PTPRD: variants seen among roughly 807,000 people sequenced by gnomAD.
PTPRD encodes protein tyrosine phosphatase receptor type D, also known as receptor-type tyrosine-protein phosphatase delta.
Under a neutral mutation model 214.5 loss-of-function variants are expected in PTPRD, and 34 were observed. That is an observed-to-expected ratio of 0.16 (90% CI 0.12 to 0.21). The LOEUF is 0.21. Among genes scored for constraint, PTPRD ranks in the 10% least tolerant of loss-of-function variants. PTPRD has a pLI of 1.00. For synonymous variants in PTPRD, 1,128 were observed against 845.7 expected (o/e 1.33, Z -5.79); for missense variants, 2,545 against 2,398.7 (o/e 1.06, Z -1.27).
chr9:8,983,240 A>G (rs1264835668), intron 11 of PTPRD, among the ~76,000 whole-genome samples: 1 of 152,066 alleles, frequency 6.6e-6, no homozygotes, highest in East Asian at 1.9e-4. Context: ...TATATCATGA[A>G]AATTTCATTG....
chr9:10,189,726 C>T (rs2099354137), intron 3 of PTPRD, among the ~76,000 whole-genome samples: 2 of 151,980 alleles, frequency 1.3e-5, no homozygotes. Context: ...AATTACAAGG[C>T]ACTATAAGAA....
intron 11 of PTPRD, among the ~76,000 whole-genome samples, chr9:8,946,058 T>C (rs901144274): frequency 3.3e-5 from 5 of 152,182 alleles, no homozygotes; most frequent in African/African-American, 1.2e-4. Flanking sequence ...AATTCACTCA[T>C]ACAAAACTAG....
intron 5 of PTPRD, among the ~76,000 whole-genome samples, chr9:9,923,675 T>C (rs2083309200): frequency 6.6e-6 from 1 of 151,968 alleles, no homozygotes; most frequent in Admixed American, 6.6e-5. Flanking sequence ...TGAGCAAGAA[T>C]AATCTTCAAC....
chr9:8,430,984 T>C (rs1470795680), intron 35 of PTPRD, among the ~76,000 whole-genome samples: 1 of 152,208 alleles, frequency 6.6e-6, no homozygotes, highest in African/African-American at 2.4e-5. Context: ...AACTTCTATA[T>C]TTTCTCAGCA....
chr9:9,477,798 T>C (rs537216608), intron 8 of PTPRD, among the ~76,000 whole-genome samples: 24 of 152,288 alleles, frequency 1.6e-4, no homozygotes, highest in African/African-American at 5.5e-4. Flanking sequence ...GAACTGTACA[T>C]TTTCTTGACA....
chr9:9,563,038 C>A (rs2083381343), intron 8 of PTPRD, among the ~76,000 whole-genome samples: 2 of 152,098 alleles, frequency 1.3e-5, no homozygotes, highest in Admixed American at 1.3e-4. Flanking sequence ...TAATAAATCA[C>A]CTTTTTCAAC....
At chr9:9,295,671 A>C (rs1952753146) in intron 9 of PTPRD, among the ~76,000 whole-genome samples, 1 of 151,850 alleles carries the variant, frequency 6.6e-6, no homozygotes, top group African/African-American at 2.4e-5. Flanking sequence ...TTGTATAACC[A>C]GATGGTAGTA....
chr9:8,780,114 A>G (rs1410181015), intron 11 of PTPRD, among the ~76,000 whole-genome samples: 1 of 152,146 alleles, frequency 6.6e-6, no homozygotes, highest in Non-Finnish European at 1.5e-5. Flanking sequence ...AAAAACTAAG[A>G]ATAGCATTTT....
intron 4 of PTPRD, among the ~76,000 whole-genome samples, chr9:9,991,790 C>A (rs909139132): frequency 4.6e-5 from 7 of 151,416 alleles, no homozygotes; most frequent in Admixed American, 4.6e-4. Context: ...TGTCAAAAAC[C>A]AGACAATTCC....
At chr9:9,355,171 T>C (rs762056397) in intron 9 of PTPRD, among the ~76,000 whole-genome samples, 20 of 151,768 alleles carry the variant, frequency 1.3e-4, no homozygotes, top group African/African-American at 2.2e-4. Flanking sequence ...AAGTTATCTA[T>C]CATCTTCAAA....
intron 5 of PTPRD, among the ~76,000 whole-genome samples, chr9:9,835,155 G>C (rs2056372010): frequency 1.3e-5 from 2 of 152,152 alleles, no homozygotes; most frequent in Admixed American, 6.6e-5. Flanking sequence ...TTAATACATA[G>C]TGTTAGTACA....
intron 5 of PTPRD, among the ~76,000 whole-genome samples, chr9:9,876,047 G>A (rs2066761020): frequency 6.6e-6 from 1 of 151,994 alleles, no homozygotes; most frequent in African/African-American, 2.4e-5. Context: ...AAGCAAAGAA[G>A]GAAGGAATAA....
rs549560803 is a variant in PTPRD at position 10,347,025 on chromosome 9, T to C, written c.-599-6008A>G. 2.0e-4 allele frequency among the ~76,000 whole-genome samples: 31 copies of C among 152,178 alleles called. No individual in the cohort carries two copies. The South Asian group carries it at 6.4e-3, about 32-fold the overall frequency. On this transcript the variant is annotated intron_variant, in intron 2 of 45. Coordinates refer to ENST00000381196, the MANE Select transcript of PTPRD (RefSeq NM_002839.4). ...TTTCAGGTGGCCACATGCTAGACCA[T>C]GGGAAAAAAAATAAAAATTATCTTT...
At chr9:10,206,621 C>T (rs2099482582) in intron 3 of PTPRD, among the ~76,000 whole-genome samples, 1 of 152,140 alleles carries the variant, frequency 6.6e-6, no homozygotes, top group Non-Finnish European at 1.5e-5. Flanking sequence ...AGAATTATAT[C>T]TCAACTAAGG....
chr9:8,720,181 GGCTTGGCTCTTATATCTA>G (rs1350057270), intron 12 of PTPRD, among the ~76,000 whole-genome samples: 1 of 152,178 alleles, frequency 6.6e-6, no homozygotes, highest in African/African-American at 2.4e-5. Context: ...ATGCCAAGAT[GGCTTGGCTCTTATATCTA>G]GCTCCTCACC....
intron 9 of PTPRD, among the ~76,000 whole-genome samples, chr9:9,378,155 A>T (rs967117264): frequency 2.0e-5 from 3 of 152,126 alleles, no homozygotes; most frequent in African/African-American, 7.2e-5. Context: ...ATTACAGAGT[A>T]GTTTCACCAC....
In PTPRD at chr9:9,450,336, T is replaced by A. The variant is rs553072134; in HGVS notation, c.-236-52854A>T. On this transcript the variant is annotated intron_variant, in intron 8 of 45. Coordinates refer to ENST00000381196, the MANE Select transcript of PTPRD (RefSeq NM_002839.4). ...GTTCTACTTTTATTTCTTTAGGGAA[T>A]TTCCACACTGTTTTCCACAGTGGTT... Among the ~76,000 whole-genome samples, 369 of 152,104 alleles carry A rather than the reference T, an allele frequency of 2.4e-3. 1 individual carries two copies. The highest frequency in any genetic ancestry group is 8.4e-3 in the African/African-American group (349 of 41,516).
chr9:9,687,951 C>T (rs2097195057), intron 7 of PTPRD, among the ~76,000 whole-genome samples: 2 of 151,778 alleles, frequency 1.3e-5, no homozygotes, highest in Admixed American at 1.3e-4. Context: ...ATCATGGGGG[C>T]AGTTTCACTC....
intron 12 of PTPRD, among the ~76,000 whole-genome samples, chr9:8,685,462 C>T (rs1047856078): frequency 2.0e-5 from 3 of 152,118 alleles, no homozygotes; most frequent in Admixed American, 1.3e-4. Flanking sequence ...TTCAGAAGAA[C>T]TCCTGTGGGC....
Sources: gnomAD v4.1 joint callset for allele counts (sites outside exome capture counted in the v4.1 genomes callset) on GRCh38, gnomAD v4.1.1 for gene constraint, MANE v1.5 for transcripts, NCBI Gene and HGNC (gene_info 2026-07-23, HGNC 2026-07-21) for gene names.